The following MCTP2 variants were observed in gnomAD, a reference collection of about 807,000 sequenced individuals.
MCTP2 encodes multiple C2 and transmembrane domain containing 2.
MCTP2 carries 132 observed loss-of-function variants against 111.6 expected under a neutral mutation model. The observed-to-expected ratio is 1.18, with a 90% CI of 1.03 to 1.37. MCTP2 has a LOEUF of 1.37. Ranked by LOEUF, MCTP2 falls within the 40% of genes most tolerant of loss-of-function variation. The probability of loss-of-function intolerance (pLI) is 0.00; values close to 1 mark genes in which losing one functional copy is unlikely to be tolerated. For synonymous variants in MCTP2, 395 were observed against 387.7 expected (o/e 1.02, Z -0.22); for missense variants, 1,183 against 1,067.9 (o/e 1.11, Z -1.50).
chr15:94,466,961 T>C (rs1045620154), intron 20 of MCTP2, among the ~76,000 whole-genome samples: 1 of 152,318 alleles, frequency 6.6e-6, no homozygotes. Flanking sequence ...CTACCAGATA[T>C]CAATAACTTT....
chr15:94,443,064 TA>T, intron 19 of MCTP2, 104 bp downstream of exon 19: 1 of 774,166 alleles, frequency 1.3e-6, no homozygotes, highest in Non-Finnish European at 2.0e-6. Context: ...TTTTTTTTTT[TA>T]ATATGATAGA....
At chr15:94,244,173 CATACGT>C in intron 1 of MCTP2, among the ~76,000 whole-genome samples, 1 of 145,076 alleles carries the variant, frequency 6.9e-6, no homozygotes, top group African/African-American at 2.6e-5. Context: ...CGTGTATACA[CATACGT>C]ATGTGTATAT....
intron 8 of MCTP2, among the ~76,000 whole-genome samples, chr15:94,348,832 A>G (rs1185302921): frequency 6.6e-6 from 1 of 151,936 alleles, no homozygotes; most frequent in Admixed American, 6.5e-5. Flanking sequence ...TTTTGTTTTC[A>G]TGCATTCTTC....
At chr15:94,356,036 T>A in intron 8 of MCTP2, 101 bp from the exon 9 acceptor site, 1 of 1,395,848 alleles carries the variant, frequency 7.2e-7, no homozygotes, top group Non-Finnish European at 9.3e-7. Context: ...GGAGGAATTT[T>A]TTTTATAATT....
At chr15:94,246,111 C>G (rs2071984920) in intron 1 of MCTP2, among the ~76,000 whole-genome samples, 1 of 152,068 alleles carries the variant, frequency 6.6e-6, no homozygotes, top group Admixed American at 6.6e-5. Flanking sequence ...ATCTCTGTTC[C>G]TCTCACATTG....
chr15:94,364,067 TA>T (rs11429762), intron 10 of MCTP2, among the ~76,000 whole-genome samples: 27 of 147,578 alleles, frequency 1.8e-4, no homozygotes, highest in Middle Eastern at 3.5e-3. Flanking sequence ...AAATTTACAT[TA>T]AAAAAAAAAA....
chr15:94,343,278 A>G, intron 7 of MCTP2: 1 of 152,256 alleles, frequency 6.6e-6, no homozygotes, highest in African/African-American at 2.4e-5. Flanking sequence ...GTTAATATTT[A>G]AAGAGATTTT....
At chr15:94,234,896 A>C (rs1293077363) in intron 1 of MCTP2, among the ~76,000 whole-genome samples, 2 of 152,028 alleles carry the variant, frequency 1.3e-5, no homozygotes, top group African/African-American at 2.4e-5. Context: ...GCTTGAGCTG[A>C]GTTTGGAGTT....
Position 94,467,626 on chromosome 15 carries a change from C to T in MCTP2, c.2361-2707C>T, listed in dbSNP as rs542453050. The stretch of plus-strand genomic sequence containing the variant: ...AATCTAATTAATTTTTTCTTTATTT[C>T]GAGATTTTTCAACATTTATTTTACT... On this transcript the variant is annotated intron_variant, in intron 20 of 22. Transcript: ENST00000357742. Among the ~76,000 whole-genome samples the T allele has an allele frequency of 2.0e-5, 3 of 151,914 alleles. No homozygotes were observed. In the South Asian group the frequency reaches 6.2e-4, roughly 32 times the overall value.
chr15:94,312,774 G>A (rs923902330), intron 2 of MCTP2, among the ~76,000 whole-genome samples: 7 of 152,120 alleles, frequency 4.6e-5, no homozygotes, highest in East Asian at 3.9e-4. Context: ...AGCCTTTCTC[G>A]ATGTCACTGC....
Position 94,244,131 on chromosome 15 carries a change from T to A in MCTP2, c.-66+12467T>A, listed in dbSNP as rs567405257. Among the ~76,000 whole-genome samples the A allele has an allele frequency of 3.4e-5, 5 of 145,814 alleles. No homozygotes were observed. In the East Asian group the frequency reaches 1.0e-3, roughly 30 times the overall value. ...GTGTATATGTTTATATACACATGTA[T>A]ACACATGCATATGTGTATATGTTTA... is the stretch of plus-strand genomic sequence containing the variant. On this transcript the variant is annotated intron_variant, in intron 1 of 22. Coordinates refer to ENST00000357742, the MANE Select transcript of MCTP2 (RefSeq NM_001385001.1).
intron 4 of MCTP2, among the ~76,000 whole-genome samples, chr15:94,331,542 C>G (rs117702521): frequency 0.018 from 2,751 of 152,254 alleles, 36 homozygotes; most frequent in Non-Finnish European, 0.027. Flanking sequence ...CCCAGGAAGA[C>G]CTCCTTCCCC....
chr15:94,277,543 A>T (rs969466037), intron 1 of MCTP2, among the ~76,000 whole-genome samples: 1 of 152,204 alleles, frequency 6.6e-6, no homozygotes, highest in Non-Finnish European at 1.5e-5. Flanking sequence ...TTAAATACAT[A>T]TTCATGAGTG....
intron 10 of MCTP2, among the ~76,000 whole-genome samples, chr15:94,365,623 C>A (rs190486436): frequency 2.0e-5 from 3 of 152,064 alleles, no homozygotes; most frequent in Non-Finnish European, 4.4e-5. Flanking sequence ...CTAGAGTACT[C>A]TAGAATTAAT....
rs187611368 is a variant in MCTP2, at chr15:94,293,613, A to G, written c.-65-4588A>G. 4.6e-5 allele frequency among the ~76,000 whole-genome samples: 7 copies of G among 152,342 alleles called. No homozygotes were observed. In the East Asian group the frequency reaches 1.3e-3, roughly 29 times the overall value. ...CGGTGCCCAGCAGTCTGTCCACTGC[A>G]GGGATCTTTCCCAAGAGCAGCAGTA... On this transcript the variant is annotated intron_variant, in intron 1 of 22. Coordinates refer to ENST00000357742, the MANE Select transcript of MCTP2 (RefSeq NM_001385001.1).
intron 1 of MCTP2, among the ~76,000 whole-genome samples, chr15:94,265,405 T>C (rs563700202): frequency 6.6e-6 from 1 of 152,312 alleles, no homozygotes; most frequent in Non-Finnish European, 1.5e-5. Flanking sequence ...GCTGGGACCT[T>C]AAAGCCAAGG....
At chr15:94,363,230 C>A (rs1423116445) in intron 10 of MCTP2, among the ~76,000 whole-genome samples, 2 of 152,178 alleles carry the variant, frequency 1.3e-5, no homozygotes, top group African/African-American at 4.8e-5. Flanking sequence ...GCAGAAGGCA[C>A]AGTACTTGAG....
chr15:94,309,884 G>A (rs1003484107), intron 2 of MCTP2, among the ~76,000 whole-genome samples: 4 of 152,210 alleles, frequency 2.6e-5, no homozygotes, highest in African/African-American at 9.6e-5. Flanking sequence ...CTGAAAGGCA[G>A]CAGTGAGAGC....
At chr15:94,330,850 T>A (rs76139812) in intron 4 of MCTP2, among the ~76,000 whole-genome samples, 7,207 of 152,150 alleles carry the variant, frequency 0.047, 199 homozygotes, top group South Asian at 0.067. Context: ...TCCCCCGACT[T>A]TAGCCCCCCA....
Sources: allele counts gnomAD v4.1 joint callset (sites outside exome capture counted in the v4.1 genomes callset), GRCh38; gene constraint gnomAD v4.1.1; transcripts MANE v1.5; gene names NCBI Gene and HGNC (gene_info 2026-07-23, HGNC 2026-07-21).